FAM184A: variants seen among roughly 807,000 people sequenced by gnomAD.
FAM184A encodes family with sequence similarity 184 member A.
FAM184A carries 99 observed loss-of-function variants against 143.8 expected under a neutral mutation model. The ratio of observed to expected loss-of-function variants is 0.69; its 90% CI spans 0.58 to 0.81. The LOEUF (loss-of-function observed/expected upper bound fraction) is 0.81. FAM184A is among the 40% of genes least tolerant of loss of function. FAM184A has a pLI of 0.00. For missense variants in FAM184A, 1,217 were observed against 1,310.5 expected, an observed-to-expected ratio of 0.93 and a Z score of 1.10; for synonymous variants, 427 against 446.4, an observed-to-expected ratio of 0.96 and a Z score of 0.55.
At chr6:119,048,511 T>A (rs551911684) in intron 1 of FAM184A, among the ~76,000 whole-genome samples, 12 of 152,326 alleles carry the variant, frequency 7.9e-5, no homozygotes, top group Admixed American at 7.2e-4. Context: ...CTCCTTCAGC[T>A]GATAAACAAC....
At chr6:119,137,844 T>C (rs1236325472) in intron 1 of FAM184A, among the ~76,000 whole-genome samples, 1 of 152,182 alleles carries the variant, frequency 6.6e-6, no homozygotes, top group Non-Finnish European at 1.5e-5. Context: ...TCTATTACTA[T>C]TCTGTAGTTC....
chr6:119,112,507 T>A (rs1055094271), intron 1 of FAM184A, among the ~76,000 whole-genome samples: 1 of 152,218 alleles, frequency 6.6e-6, no homozygotes, highest in African/African-American at 2.4e-5. Context: ...ACTCTTGAGA[T>A]AACATTTTTA....
At chr6:119,067,074 A>C (rs558657313) in intron 1 of FAM184A, among the ~76,000 whole-genome samples, 2 of 152,224 alleles carry the variant, frequency 1.3e-5, no homozygotes, top group Non-Finnish European at 1.5e-5. Context: ...AATCATTTAC[A>C]TATTTTTTTT....
chr6:118,996,287 T>C (rs1479000938), intron 9 of FAM184A, among the ~76,000 whole-genome samples: 2 of 152,222 alleles, frequency 1.3e-5, no homozygotes, highest in Non-Finnish European at 2.9e-5. Flanking sequence ...CATTCAGTTT[T>C]TTGATTGAAG....
intron 1 of FAM184A, among the ~76,000 whole-genome samples, chr6:119,132,973 C>A (rs976738326): frequency 6.6e-6 from 1 of 152,170 alleles, no homozygotes; most frequent in Admixed American, 6.5e-5. Context: ...AGGCAAAGAG[C>A]GAAATCAGAT....
intron 1 of FAM184A, among the ~76,000 whole-genome samples, chr6:119,131,001 G>A (rs1175085538): frequency 6.6e-6 from 1 of 151,818 alleles, no homozygotes; most frequent in Non-Finnish European, 1.5e-5. Flanking sequence ...TGGGATTACA[G>A]GCGCCTGCCA....
At chr6:119,000,456 G>T (rs1784718326) in intron 9 of FAM184A, among the ~76,000 whole-genome samples, 1 of 152,158 alleles carries the variant, frequency 6.6e-6, no homozygotes, top group Non-Finnish European at 1.5e-5. Context: ...CTGAATCGTA[G>T]CACAGAATGA....
Position 119,074,909 on chromosome 6 carries a change from A to C in FAM184A, c.159+3232T>G, listed in dbSNP as rs527509291. On this transcript the variant is annotated intron_variant, in intron 1 of 17. Transcript: ENST00000338891. Reference sequence around the variant, plus strand: ...CCCTGCTGTATCTGTAACATTTTCCAAAGTCTCCCTTACATAAAAGGTGCT... The same window carrying C: ...CCCTGCTGTATCTGTAACATTTTCCCAAGTCTCCCTTACATAAAAGGTGCT... Among the ~76,000 whole-genome samples the C allele has an allele frequency of 4.6e-5, 7 of 152,364 alleles. No individual in the cohort carries two copies. The South Asian group carries it at 1.5e-3, about 32-fold the overall frequency.
Position 119,024,209 on chromosome 6 carries a change from G to C in FAM184A, c.764C>G (p.Ala255Gly). Residue 255 changes from alanine (A) to glycine (G), a missense_variant, in exon 2 of 18, where the codon GCT (alanine) becomes GGT (glycine). Coordinates refer to ENST00000338891, the MANE Select transcript of FAM184A (RefSeq NM_024581.6). ...AAGCTCACGTTCATAAAAGGACTGA[G>C]CTTTATTCAACTTGCCTTCATAATC... ...IEDYEGKLNKAQSFYERELDT... is the reference protein window; with the variant it reads ...IEDYEGKLNKGQSFYERELDT... 6.2e-7 allele frequency: 1 copy of C among 1,614,220 alleles called. No individual in the cohort carries two copies.
chr6:119,004,840 A>G (rs950364322), intron 7 of FAM184A, among the ~76,000 whole-genome samples: 12 of 152,216 alleles, frequency 7.9e-5, no homozygotes, highest in Admixed American at 2.0e-4. Context: ...CCTGAAAGAA[A>G]TGAAACTGAA....
chr6:118,979,338 G>A (rs1434880247), intron 11 of FAM184A, 27 bp downstream of exon 11: 3 of 1,571,086 alleles, frequency 1.9e-6, no homozygotes, highest in Non-Finnish European at 2.6e-6. Context: ...ATATGAATAT[G>A]ACAAGATTGT....
At chr6:119,027,682 C>T (rs1299386990) in intron 1 of FAM184A, among the ~76,000 whole-genome samples, 1 of 152,156 alleles carries the variant, frequency 6.6e-6, no homozygotes, top group African/African-American at 2.4e-5. Context: ...GAGATGTTTG[C>T]TTTTCCTACA....
At chr6:118,983,093 T>C (rs1482202918) in intron 9 of FAM184A, among the ~76,000 whole-genome samples, 1 of 152,224 alleles carries the variant, frequency 6.6e-6, no homozygotes, top group African/African-American at 2.4e-5. Flanking sequence ...CAAAATAATA[T>C]TAAGGCCATC....
intron 5 of FAM184A, among the ~76,000 whole-genome samples, chr6:119,016,280 C>T (rs1359482323): frequency 2.0e-5 from 3 of 152,130 alleles, no homozygotes; most frequent in Non-Finnish European, 4.4e-5. Context: ...GCATTGACAA[C>T]CCGCTCGGGT....
intron 1 of FAM184A, among the ~76,000 whole-genome samples, chr6:119,111,379 C>T (rs1788925525): frequency 6.6e-6 from 1 of 152,078 alleles, no homozygotes; most frequent in Non-Finnish European, 1.5e-5. Flanking sequence ...AACGGAGAGT[C>T]AGAGTTTAAT....
chr6:119,041,083 G>C (rs1786310380), intron 1 of FAM184A, among the ~76,000 whole-genome samples: 1 of 152,100 alleles, frequency 6.6e-6, no homozygotes, highest in Non-Finnish European at 1.5e-5. Context: ...TCATATTCTA[G>C]GGGAGAGAAT....
chr6:119,065,111 T>C (rs899298496), intron 1 of FAM184A, among the ~76,000 whole-genome samples: 3 of 152,218 alleles, frequency 2.0e-5, no homozygotes, highest in African/African-American at 7.2e-5. Flanking sequence ...TTTCTGTAGT[T>C]ATTTCCTACA....
chr6:118,987,476 T>A (rs1035932748), intron 9 of FAM184A, among the ~76,000 whole-genome samples: 4 of 152,222 alleles, frequency 2.6e-5, no homozygotes, highest in Non-Finnish European at 5.9e-5. Context: ...TGTTTTTAAA[T>A]GAGTGTTAAA....
rs1787956349 is a variant in FAM184A at position 119,078,371 on chromosome 6, G to A, written c.-72C>T. The A allele has an allele frequency of 2.2e-6, 3 of 1,338,942 alleles. No individual in the cohort carries two copies. Among genetic ancestry groups the A allele is most frequent in the Non-Finnish European group, 2.9e-6 (3 of 1,041,384 alleles). The allele number at this position is 1,338,942 out of a possible 1,614,324, so 82.9% of individuals were successfully genotyped here. ...CAGGCCCGTGGAGCAACGACGCCCG[G>A]GAGGCAAGAGTCGCGGCGGCCGCTT... On this transcript the variant is annotated 5_prime_UTR_variant, in exon 1 of 18. Transcript: ENST00000338891. This position sits in a 1 kb window ranked among gnomAD's most constrained non-coding sequence, Gnocchi z 5.5.
Sources: allele counts gnomAD v4.1 joint callset (sites outside exome capture counted in the v4.1 genomes callset), GRCh38; gene constraint gnomAD v4.1.1; non-coding constraint Gnocchi (gnomAD v3.1); transcripts MANE v1.5; gene names NCBI Gene and HGNC (gene_info 2026-07-23, HGNC 2026-07-21).